Variants in SIAE observed in about 807,000 individuals in gnomAD.
The protein encoded by SIAE is sialic acid acetylesterase, also known as sialate O-acetylesterase.
In SIAE, 39 loss-of-function variants were observed where a neutral mutation model predicts 52.6. The observed-to-expected ratio is 0.74, with a 90% CI of 0.57 to 0.97. The LOEUF (loss-of-function observed/expected upper bound fraction) is 0.97, where lower values mean the gene tolerates loss of function less well. SIAE is among the 50% of genes least tolerant of loss of function. The probability of loss-of-function intolerance (pLI) is 0.00; values close to 1 mark genes in which losing one functional copy is unlikely to be tolerated. For missense variants in SIAE, 592 were observed against 662.1 expected (o/e 0.89, Z 1.16); for synonymous variants, 233 against 241.4 (o/e 0.97, Z 0.32).
intron 1 of SIAE, among the ~76,000 whole-genome samples, chr11:124,673,238 G>T (rs1474989834): frequency 6.6e-6 from 1 of 152,120 alleles, no homozygotes; most frequent in Non-Finnish European, 1.5e-5. Context: ...CCACTGAGGG[G>T]GTAGCGCTGA....
At chr11:124,647,593 G>A (rs1450229054) in intron 6 of SIAE, 95 bp from the exon 7 acceptor site, 1 of 1,444,386 alleles carries the variant, frequency 6.9e-7, no homozygotes, top group Non-Finnish European at 9.6e-7. Context: ...TGAGGTAGTG[G>A]TCTTCCCACG....
chr11:124,655,516 A>G (rs1943085910), intron 3 of SIAE, among the ~76,000 whole-genome samples: 1 of 152,116 alleles, frequency 6.6e-6, no homozygotes, highest in Admixed American at 6.6e-5. Context: ...TATTATGTGG[A>G]ACCAAAAAGG....
rs140288211 is a variant in SIAE, at chr11:124,638,803, A to G, written c.1125-66T>C. 8.4e-3 allele frequency: 11,036 copies of G among 1,311,114 alleles called. 66 individuals are homozygous for G. The highest frequency in any genetic ancestry group is 0.011 in the Non-Finnish European group (9,858 of 912,760). The allele number at this position is 1,311,114 out of a possible 1,614,324, so 81.2% of individuals were successfully genotyped here. A position where few individuals can be genotyped will look rare whatever the true frequency, so the allele number is the denominator to read the frequency against. On this transcript the variant is annotated intron_variant, in intron 8 of 9. Coordinates refer to ENST00000263593, the MANE Select transcript of SIAE (RefSeq NM_170601.5). Reference sequence around the variant, plus strand: ...TCAACAATCACCACATTTTTTTAAAAGGGGGATTATACAAAGCACCCTTTA... The same window carrying G: ...TCAACAATCACCACATTTTTTTAAAGGGGGGATTATACAAAGCACCCTTTA...
intron 4 of SIAE, among the ~76,000 whole-genome samples, chr11:124,651,661 G>GA (rs1210154786): frequency 1.3e-5 from 2 of 152,124 alleles, no homozygotes; most frequent in Admixed American, 1.3e-4. Flanking sequence ...AATATCAAAT[G>GA]AGAGGCAGAT....
At chr11:124,644,611 A>C (rs1307719915) in intron 7 of SIAE, among the ~76,000 whole-genome samples, 1 of 152,218 alleles carries the variant, frequency 6.6e-6, no homozygotes, top group African/African-American at 2.4e-5. Flanking sequence ...TGGTAGAAAT[A>C]CTGCGGCTAA....
At chr11:124,660,231 A>C (rs552102561) in intron 3 of SIAE, 10 of 273,156 alleles carry the variant, frequency 3.7e-5, no homozygotes, top group South Asian at 3.6e-4. Context: ...TGGAGGTTGC[A>C]GTGAGCTGAG....
In SIAE at chr11:124,633,866, AC is replaced by A. The variant is rs1942663490; in HGVS notation, c.*3084del. On this transcript the variant is annotated 3_prime_UTR_variant, in exon 10 of 10. Transcript: ENST00000263593. ...TTCCCACTATTACAGCCTGAGTAAT[AC>A]CCGTATTAAAAGAGCCTCATTTTAG... 6.6e-6 allele frequency: 1 copy of A among 152,224 alleles called. No individual in the cohort carries two copies. Among genetic ancestry groups the A allele is most frequent in the African/African-American group, 2.4e-5 (1 of 41,466 alleles). The allele number at this position is 152,224 out of a possible 1,614,324, so 9.4% of individuals were successfully genotyped here.
chr11:124,665,736 T>C (rs1484478048), intron 2 of SIAE, among the ~76,000 whole-genome samples: 2 of 152,082 alleles, frequency 1.3e-5, no homozygotes, highest in East Asian at 1.9e-4. Flanking sequence ...GGAGGATCAC[T>C]TGAACCTGGC....
At chr11:124,651,044 G>A (rs1591388612) in intron 4 of SIAE, among the ~76,000 whole-genome samples, 1 of 152,290 alleles carries the variant, frequency 6.6e-6, no homozygotes, top group African/African-American at 2.4e-5. Flanking sequence ...GATCAGTTCA[G>A]CCCAAGGTTT....
chr11:124,662,969 AC>A (rs1215768818), intron 2 of SIAE, among the ~76,000 whole-genome samples: 1 of 151,926 alleles, frequency 6.6e-6, no homozygotes, highest in African/African-American at 2.4e-5. Context: ...ACATGGTGAA[AC>A]CCTGTCTCTA....
intron 7 of SIAE, among the ~76,000 whole-genome samples, chr11:124,640,407 C>G (rs1377293046): frequency 6.6e-6 from 1 of 152,160 alleles, no homozygotes; most frequent in African/African-American, 2.4e-5. Context: ...CATAAGCAAG[C>G]CTAGCTGGTA....
chr11:124,665,908 G>A (rs1027927910), intron 2 of SIAE, among the ~76,000 whole-genome samples: 1 of 152,064 alleles, frequency 6.6e-6, no homozygotes, highest in Non-Finnish European at 1.5e-5. Context: ...TTATTTTAAG[G>A]TAGAGAAAAT....
intron 2 of SIAE, among the ~76,000 whole-genome samples, chr11:124,666,172 G>A (rs1174883247): frequency 6.6e-6 from 1 of 152,116 alleles, no homozygotes; most frequent in Non-Finnish European, 1.5e-5. Flanking sequence ...TCAGTCTGCT[G>A]GACAAAAACC....
At chr11:124,660,467 G>T in intron 3 of SIAE, 161 bp downstream of exon 3, 1 of 737,774 alleles carries the variant, frequency 1.4e-6, no homozygotes. Flanking sequence ...AGATTGTTAA[G>T]TCAAATTAAT....
At chr11:124,675,269 C>T (rs866901613), upstream of SIAE, 2 of 1,611,658 alleles carry the variant, frequency 1.2e-6, no homozygotes, top group Non-Finnish European at 1.7e-6. Context: ...AAGAAGATGT[C>T]GATTCCATTC....
At position 124,636,520 on chromosome 11, in the gene SIAE, T is replaced by A. The variant is rs955704590; in HGVS notation, c.*431A>T. 8 of 242,118 alleles carry A rather than the reference T, an allele frequency of 3.3e-5. No individual in the cohort carries two copies. Among genetic ancestry groups the A allele is most frequent in the African/African-American group, 1.8e-4 (8 of 44,468 alleles). 15.0% of individuals were successfully genotyped at this position (242,118 alleles called of 1,614,324 possible). A position where few individuals can be genotyped will look rare whatever the true frequency, so the allele number is the denominator to read the frequency against. ...ATCTGATCTCGGAAGCTAAGCAGGG[T>A]CGGGCCTGGTTAGTACTTGGATGGG... On this transcript the variant is annotated 3_prime_UTR_variant, in exon 10 of 10. Transcript: ENST00000263593.
At chr11:124,638,519 G>A (rs890966325) in intron 9 of SIAE, 23 bp downstream of exon 9, 2 of 1,612,718 alleles carry the variant, frequency 1.2e-6, no homozygotes, top group African/African-American at 1.3e-5. Context: ...ATGAACCCCT[G>A]TTTATTCTGC....
intron 3 of SIAE, among the ~76,000 whole-genome samples, chr11:124,658,227 A>C (rs1186012288): frequency 6.7e-6 from 1 of 149,132 alleles, no homozygotes; most frequent in Non-Finnish European, 1.5e-5. Context: ...CATGCGTGTG[A>C]GTGTGTGTCT....
upstream of SIAE, chr11:124,675,424 C>G: frequency 6.2e-7 from 1 of 1,600,924 alleles, no homozygotes; most frequent in Non-Finnish European, 8.5e-7. Flanking sequence ...AGAGAGTAAG[C>G]TTTCTAAAAT....
Sources: gnomAD v4.1 joint callset for allele counts (sites outside exome capture counted in the v4.1 genomes callset) on GRCh38, gnomAD v4.1.1 for gene constraint, MANE v1.5 for transcripts, NCBI Gene and HGNC (gene_info 2026-07-23, HGNC 2026-07-21) for gene names.